The following NOMO1 variants were observed in gnomAD, a reference collection of about 807,000 sequenced individuals.
The protein encoded by NOMO1 is NODAL modulator 1.
A neutral mutation model predicts 133.8 loss-of-function variants in NOMO1; 40 were observed. That is an observed-to-expected ratio of 0.30 (90% CI 0.23 to 0.39). The LOEUF (loss-of-function observed/expected upper bound fraction) is 0.39. Among genes scored for constraint, NOMO1 ranks in the 10% least tolerant of loss-of-function variants. NOMO1 has a pLI of 1.00. For synonymous variants in NOMO1, 236 were observed against 570.5 expected, an observed-to-expected ratio of 0.41 and a Z score of 8.36; for missense variants, 462 against 1,419.9, an observed-to-expected ratio of 0.33 and a Z score of 10.84.
At position 14,833,826 on chromosome 16, in the gene NOMO1, T is replaced by G; in HGVS notation, c.-26T>G. 1 of 494,924 alleles carries G rather than the reference T, an allele frequency of 2.0e-6. No individual in the cohort carries two copies. The highest frequency in any genetic ancestry group is 3.1e-6 in the Non-Finnish European group (1 of 320,272). 30.7% of individuals were successfully genotyped at this position (494,924 alleles called of 1,614,324 possible). On this transcript the variant is annotated 5_prime_UTR_variant, in exon 1 of 31. Coordinates refer to ENST00000287667, the MANE Select transcript of NOMO1 (RefSeq NM_014287.4). The stretch of plus-strand genomic sequence containing the variant: ...AGGGGCGGGACCCGGCTGCCGGCGG[T>G]GGGTCTAGCTGGGGGAGGTCGGGCC...
intron 11 of NOMO1, among the ~76,000 whole-genome samples, chr16:14,860,291 C>T (rs1963903761): frequency 6.6e-6 from 1 of 151,412 alleles, no homozygotes; most frequent in Non-Finnish European, 1.5e-5. Flanking sequence ...TCGCTTGAAC[C>T]CGGGAGGCAG....
chr16:14,866,473 T>C (rs1963996646), intron 14 of NOMO1, 82 bp from the exon 15 acceptor site: 1 of 1,609,362 alleles, frequency 6.2e-7, no homozygotes, highest in African/African-American at 1.4e-5. Context: ...ATTGATTAAT[T>C]CATGATCATT....
intron 28 of NOMO1, among the ~76,000 whole-genome samples, chr16:14,887,339 G>A (rs1964340747): frequency 6.6e-6 from 1 of 151,508 alleles, no homozygotes; most frequent in Non-Finnish European, 1.5e-5. Context: ...TGTCGCCCAG[G>A]CTGGAGTGCA....
chr16:14,860,544 G>A (rs969589557), intron 11 of NOMO1, among the ~76,000 whole-genome samples: 4 of 151,822 alleles, frequency 2.6e-5, no homozygotes, highest in African/African-American at 9.7e-5. Context: ...ATATGGTAGT[G>A]GCCGGGCCCA....
At chr16:14,881,420 G>C in intron 24 of NOMO1, 124 bp from the exon 25 acceptor site, 1 of 1,606,024 alleles carries the variant, frequency 6.2e-7, no homozygotes, top group Non-Finnish European at 8.5e-7. Context: ...TGAGTTGCCT[G>C]GGTCATTGAG....
At chr16:14,875,626 A>G (rs1964148778) in intron 20 of NOMO1, among the ~76,000 whole-genome samples, 1 of 152,106 alleles carries the variant, frequency 6.6e-6, no homozygotes, top group Non-Finnish European at 1.5e-5. Flanking sequence ...GGATGGATGG[A>G]TGGATGGATG....
chr16:14,889,541 AAAAAC>A lies in NOMO1; in HGVS notation c.3444+342_3444+346del, dbSNP rs372514214. On this transcript the variant is annotated intron_variant, in intron 29 of 30. Transcript: ENST00000287667. ...AGTGAGACCCTTTCTCCAGAAGAAA[AAAAAC>A]AAAACAAAACAAAACCAAACAATCC... 1.3e-4 allele frequency among the ~76,000 whole-genome samples: 20 copies of A among 149,622 alleles called. 1 individual carries two copies. Among genetic ancestry groups the A allele is most frequent in the African/African-American group, 4.5e-4 (18 of 40,408 alleles).
In NOMO1 at chr16:14,878,923, G is replaced by A. The variant is rs114963954; in HGVS notation, c.2757+89G>A. The A allele has an allele frequency of 1.6e-3, 2,511 of 1,569,164 alleles. 45 individuals carry two copies. The African/African-American group carries it at 0.029, about 18-fold the overall frequency. On this transcript the variant is annotated intron_variant, in intron 23 of 30. Transcript: ENST00000287667. ...CGAGACTTACGTGTTGCTTGACAAC[G>A]TGAGAAGAGAAAGCCAATGTGGAGT...
At chr16:14,884,612 G>A (rs989210463) in intron 27 of NOMO1, 130 bp downstream of exon 27, 25 of 1,331,744 alleles carry the variant, frequency 1.9e-5, no homozygotes, top group African/African-American at 4.3e-5. Flanking sequence ...CCAGAGCGCC[G>A]CCTGCTGAGG....
chr16:14,884,245 C>G lies in NOMO1; in HGVS notation c.3112-127C>G, dbSNP rs1964287895. 68 of 1,455,060 alleles carry G rather than the reference C, an allele frequency of 4.7e-5. 1 individual carries two copies. The highest frequency in any genetic ancestry group is 6.2e-5 in the Non-Finnish European group (65 of 1,051,880). The allele number at this position is 1,455,060 out of a possible 1,614,324, so 90.1% of individuals were successfully genotyped here. On this transcript the variant is annotated intron_variant, in intron 26 of 30. Coordinates refer to ENST00000287667, the MANE Select transcript of NOMO1 (RefSeq NM_014287.4). ...ACCTTGGACGTAGGGTACTCAATGA[C>G]AAACTTCGCTTCCTTAATGTAAGAA...
chr16:14,838,116 G>A (rs1285350914), intron 1 of NOMO1, among the ~76,000 whole-genome samples: 1 of 151,318 alleles, frequency 6.6e-6, no homozygotes, highest in Non-Finnish European at 1.5e-5. Context: ...TTTTAGACCC[G>A]GAAACTTACA....
chr16:14,886,715 T>C, intron 27 of NOMO1, 46 bp from the exon 28 acceptor site: 1 of 1,610,270 alleles, frequency 6.2e-7, no homozygotes, highest in African/African-American at 1.3e-5. Context: ...GAAATATTGA[T>C]TGTGTTTCAG....
chr16:14,849,577 G>C (rs1315044976), intron 6 of NOMO1, among the ~76,000 whole-genome samples: 2 of 139,352 alleles, frequency 1.4e-5, no homozygotes, highest in Non-Finnish European at 3.1e-5. Flanking sequence ...ATCATTTATG[G>C]ATACAGTCTT....
chr16:14,873,502 G>T (rs1467146913), intron 18 of NOMO1, among the ~76,000 whole-genome samples: 1 of 145,892 alleles, frequency 6.9e-6, no homozygotes, highest in Non-Finnish European at 1.5e-5. Context: ...CGGGAGAAAT[G>T]TCAGGGCTGG....
At chr16:14,837,006 C>T (rs542460509) in intron 1 of NOMO1, among the ~76,000 whole-genome samples, 2 of 151,934 alleles carry the variant, frequency 1.3e-5, no homozygotes, top group Non-Finnish European at 2.9e-5. Context: ...CGCCCGGCCC[C>T]ATTTTACTTA....
intron 20 of NOMO1, among the ~76,000 whole-genome samples, chr16:14,875,924 G>A (rs1341943482): frequency 6.6e-6 from 1 of 151,054 alleles, no homozygotes; most frequent in Non-Finnish European, 1.5e-5. Flanking sequence ...GCTTCGTTAA[G>A]TTGTGGGTGT....
At chr16:14,874,460 C>T (rs997109072) in intron 18 of NOMO1, among the ~76,000 whole-genome samples, 5 of 152,070 alleles carry the variant, frequency 3.3e-5, no homozygotes, top group Non-Finnish European at 5.9e-5. Context: ...TCTCTCCCTT[C>T]CTTCAGACCT....
chr16:14,836,181 C>G lies in NOMO1; in HGVS notation c.165+2165C>G, dbSNP rs550604156. Among the ~76,000 whole-genome samples the G allele has an allele frequency of 3.9e-4, 60 of 152,142 alleles. 1 individual carries two copies. The highest frequency in any genetic ancestry group is 1.4e-3 in the African/African-American group (59 of 41,460). On this transcript the variant is annotated intron_variant, in intron 1 of 30. Transcript: ENST00000287667. ...TGTCCCTTGATGTTGCCTCCCTAAC[C>G]GGTCTAGGCTGGTGAATTTCCAGTC...
At chr16:14,870,722 C>T (rs1297111531) in intron 16 of NOMO1, among the ~76,000 whole-genome samples, 2 of 148,274 alleles carry the variant, frequency 1.3e-5, no homozygotes, top group African/African-American at 2.4e-5. Context: ...TCAGCACTCA[C>T]TTCTATCCCC....
Sources: allele counts gnomAD v4.1 joint callset (sites outside exome capture counted in the v4.1 genomes callset), GRCh38; gene constraint gnomAD v4.1.1; transcripts MANE v1.5; gene names NCBI Gene and HGNC (gene_info 2026-07-23, HGNC 2026-07-21).